The following MOB1B variants were observed in gnomAD, a reference collection of about 807,000 sequenced individuals.
The protein encoded by MOB1B is MOB kinase activator 1B, also known as MOB1 Mps One Binder homolog B.
A neutral mutation model predicts 24.4 loss-of-function variants in MOB1B; 19 were observed. That is an observed-to-expected ratio of 0.78 (90% CI 0.54 to 1.14). MOB1B has a LOEUF of 1.14. MOB1B is among the 50% of genes most tolerant of loss of function. The probability of loss-of-function intolerance (pLI) is 0.00; values close to 1 mark genes in which losing one functional copy is unlikely to be tolerated. For missense variants in MOB1B, 243 were observed against 259.6 expected (o/e 0.94, Z 0.44); for synonymous variants, 76 against 82.1 (o/e 0.93, Z 0.40).
rs1049813063 is a variant in MOB1B at position 70,965,670 on chromosome 4, G to A, written c.182-4261G>A. Among the ~76,000 whole-genome samples, 8 of 150,934 alleles carry A rather than the reference G, an allele frequency of 5.3e-5. No homozygotes were observed. In the East Asian group the frequency reaches 5.8e-4, roughly 11 times the overall value. Reference sequence around the variant, plus strand: ...AAATTCTCTGGGCGTGGTGGCGGGCGCCTGCAGTCCCAGCTACTTGGGAGG... The same window carrying A: ...AAATTCTCTGGGCGTGGTGGCGGGCACCTGCAGTCCCAGCTACTTGGGAGG... On this transcript the variant is annotated intron_variant, in intron 2 of 5. Transcript: ENST00000309395.
At chr4:70,952,138 A>G (rs914163426) in intron 1 of MOB1B, among the ~76,000 whole-genome samples, 8 of 152,162 alleles carry the variant, frequency 5.3e-5, no homozygotes, top group Non-Finnish European at 1.2e-4. Context: ...TGCTTACTGC[A>G]GTGTTGTTTG....
At chr4:70,915,900 A>G (rs1578347349) in intron 1 of MOB1B, among the ~76,000 whole-genome samples, 1 of 150,792 alleles carries the variant, frequency 6.6e-6, no homozygotes, top group East Asian at 1.9e-4. Flanking sequence ...TTGTTGCCTG[A>G]TCATCTTAAG....
intron 1 of MOB1B, among the ~76,000 whole-genome samples, chr4:70,917,429 A>G (rs537546471): frequency 4.4e-4 from 67 of 152,230 alleles, no homozygotes; most frequent in Non-Finnish European, 8.5e-4. Flanking sequence ...TGTTCACATC[A>G]AGGACGTCAT....
At chr4:70,962,454 T>A (rs563172883) in intron 2 of MOB1B, among the ~76,000 whole-genome samples, 1 of 152,310 alleles carries the variant, frequency 6.6e-6, no homozygotes, top group African/African-American at 2.4e-5. Flanking sequence ...AAGTATTATT[T>A]TTTCAACAAA....
At chr4:70,971,429 G>A (rs187563768) in intron 3 of MOB1B, among the ~76,000 whole-genome samples, 2 of 151,738 alleles carry the variant, frequency 1.3e-5, no homozygotes, top group East Asian at 3.9e-4. Context: ...CTGGGAGGTG[G>A]GGGTGAGGTT....
rs1302388497 is a variant in MOB1B at position 70,958,988 on chromosome 4, G to A, written c.129G>A (p.Met43Ile). 38 of 1,614,144 alleles carry A rather than the reference G, an allele frequency of 2.4e-5. No homozygotes were observed. Among genetic ancestry groups the A allele is most frequent in the Non-Finnish European group, 3.1e-5 (36 of 1,180,022 alleles). Residue 43 changes from methionine to isoleucine, a missense_variant, in exon 2 of 6, where the codon ATG (methionine) becomes ATA (isoleucine). Transcript: ENST00000309395. The part of the protein sequence containing the change: ...EATLGSGNLR[M>I]AVMLPEGEDL... ...CACTTGGCAGTGGCAACCTTCGGATGGCTGTCATGCTTCCTGAAGGGGAAG... is the reference window on the plus strand; with the variant it reads ...CACTTGGCAGTGGCAACCTTCGGATAGCTGTCATGCTTCCTGAAGGGGAAG...
chr4:70,944,466 A>G (rs1737487717), intron 1 of MOB1B, among the ~76,000 whole-genome samples: 1 of 152,232 alleles, frequency 6.6e-6, no homozygotes, highest in South Asian at 2.1e-4. Context: ...GAAAAGTTTG[A>G]GATTGACAAC....
chr4:70,979,347 C>A, intron 5 of MOB1B, 56 bp downstream of exon 5: 3 of 1,377,768 alleles, frequency 2.2e-6, no homozygotes, highest in South Asian at 2.4e-5. Context: ...CTTCATAGTT[C>A]TAAGGTAAAT....
rs1256162563 is a variant in MOB1B at position 70,982,945 on chromosome 4, G to A, written c.*888G>A. ...CTTCTACTTTGAAGAGAAGGGGATA[G>A]GAATGTATATTTGGCTGGGGGCATG... On this transcript the variant is annotated 3_prime_UTR_variant, in exon 6 of 6. Coordinates refer to ENST00000309395, the MANE Select transcript of MOB1B (RefSeq NM_173468.4). 1 of 152,558 alleles carries A rather than the reference G, an allele frequency of 6.6e-6. No individual in the cohort carries two copies. The highest frequency in any genetic ancestry group is 1.5e-5 in the Non-Finnish European group (1 of 68,014). 9.5% of individuals were successfully genotyped at this position (152,558 alleles called of 1,614,324 possible).
At chr4:70,974,891 A>G (rs1738914011) in intron 3 of MOB1B, among the ~76,000 whole-genome samples, 1 of 152,200 alleles carries the variant, frequency 6.6e-6, no homozygotes, top group Admixed American at 6.5e-5. Flanking sequence ...TAAAATATAA[A>G]TGCTATTTAT....
chr4:70,938,803 G>A (rs1472225723), intron 1 of MOB1B, among the ~76,000 whole-genome samples: 2 of 141,096 alleles, frequency 1.4e-5, no homozygotes, highest in African/African-American at 5.3e-5. Context: ...TGGAGATGGA[G>A]TTTTGCTCTT....
At chr4:70,902,769 G>T (rs1027593761) in intron 1 of MOB1B, among the ~76,000 whole-genome samples, 1 of 152,214 alleles carries the variant, frequency 6.6e-6, no homozygotes, top group African/African-American at 2.4e-5. Context: ...GGCTCCTGCA[G>T]CCCTGAGGAG....
At chr4:70,921,432 G>T (rs1445884486) in intron 1 of MOB1B, among the ~76,000 whole-genome samples, 1 of 149,358 alleles carries the variant, frequency 6.7e-6, no homozygotes, top group Admixed American at 6.7e-5. Context: ...AAAAAGAATT[G>T]CCAAACTGCT....
chr4:70,926,813 G>A (rs1018447687), intron 1 of MOB1B, among the ~76,000 whole-genome samples: 1 of 151,642 alleles, frequency 6.6e-6, no homozygotes, highest in African/African-American at 2.4e-5. Flanking sequence ...TGGCTAACAC[G>A]GTGAAACCCC....
intron 4 of MOB1B, among the ~76,000 whole-genome samples, chr4:70,976,950 G>T (rs895751932): frequency 6.6e-5 from 10 of 151,714 alleles, no homozygotes; most frequent in African/African-American, 2.2e-4. Context: ...ATTCTTAGTC[G>T]TTAACATCTT....
intron 1 of MOB1B, among the ~76,000 whole-genome samples, chr4:70,943,281 A>G (rs1737423270): frequency 6.6e-6 from 1 of 152,202 alleles, no homozygotes; most frequent in African/African-American, 2.4e-5. Context: ...CAAGTAGTTT[A>G]CTAGTTCTGC....
intron 1 of MOB1B, among the ~76,000 whole-genome samples, chr4:70,916,728 C>T (rs1278606805): frequency 2.0e-5 from 3 of 152,146 alleles, no homozygotes; most frequent in Non-Finnish European, 4.4e-5. Flanking sequence ...CCACCATGCC[C>T]AGTTAAGTTT....
chr4:70,930,904 T>G (rs1736865630), intron 1 of MOB1B, among the ~76,000 whole-genome samples: 1 of 152,140 alleles, frequency 6.6e-6, no homozygotes. Flanking sequence ...AAATGTCACT[T>G]TTGCAGTTGA....
At chr4:70,940,105 C>T (rs988468492) in intron 1 of MOB1B, among the ~76,000 whole-genome samples, 25 of 152,090 alleles carry the variant, frequency 1.6e-4, no homozygotes, top group African/African-American at 5.5e-4. Context: ...CTTTTGTCTT[C>T]TTCCGCTGAT....
Sources: allele counts gnomAD v4.1 joint callset (sites outside exome capture counted in the v4.1 genomes callset), GRCh38; gene constraint gnomAD v4.1.1; transcripts MANE v1.5; gene names NCBI Gene and HGNC (gene_info 2026-07-23, HGNC 2026-07-21).